Variants in NAT10 observed in about 807,000 individuals in gnomAD.
NAT10 encodes N-acetyltransferase 10, also known as RNA cytidine acetyltransferase.
In NAT10, 109 loss-of-function variants were observed where a neutral mutation model predicts 132.2. That is an observed-to-expected ratio of 0.82 (90% CI 0.71 to 0.97). The LOEUF is 0.97. Ranked by LOEUF, NAT10 falls within the 50% of genes least tolerant of loss-of-function variation. The probability of loss-of-function intolerance (pLI) is 0.00; values close to 1 mark genes in which losing one functional copy is unlikely to be tolerated. For synonymous variants in NAT10, 479 were observed against 478.0 expected (o/e 1.00, Z -0.03); for missense variants, 1,184 against 1,263.4 (o/e 0.94, Z 0.95).
chr11:34,106,817 A>T (rs1234688706), intron 1 of NAT10, among the ~76,000 whole-genome samples: 1 of 152,174 alleles, frequency 6.6e-6, no homozygotes, highest in African/African-American at 2.4e-5. Context: ...ATATGCTAAA[A>T]TCTGTTTGGA....
At chr11:34,141,590 A>C (rs1852332966) in intron 25 of NAT10, 129 bp from the exon 26 acceptor site, 1 of 788,782 alleles carries the variant, frequency 1.3e-6, no homozygotes. Context: ...CACATTCCTA[A>C]ACTGTAGAGT....
chr11:34,142,730 A>G (rs1302103013), intron 27 of NAT10, among the ~76,000 whole-genome samples: 3 of 152,232 alleles, frequency 2.0e-5, no homozygotes, highest in Non-Finnish European at 4.4e-5. Flanking sequence ...CAACCAAACA[A>G]GCAAAACACC....
chr11:34,132,211 C>G lies in NAT10; in HGVS notation c.1607C>G (p.Ser536Cys). The change falls in exon 15 of 29, where the codon TCT becomes TGT. Residue 536 changes from serine to cysteine, a missense_variant. Coordinates refer to ENST00000257829, the MANE Select transcript of NAT10 (RefSeq NM_024662.3). ...LQRLMALYVA[S>C]HYKNSPNDLQ... ...CGGCTTATGGCCCTCTACGTGGCTTCTCACTACAAGGTAACTGCAGCTAGC... is the reference window on the plus strand; with the variant it reads ...CGGCTTATGGCCCTCTACGTGGCTTGTCACTACAAGGTAACTGCAGCTAGC... 3.7e-6 allele frequency: 6 copies of G among 1,613,718 alleles called. No individual in the cohort carries two copies. The highest frequency in any genetic ancestry group is 5.1e-6 in the Non-Finnish European group (6 of 1,179,584).
chr11:34,134,489 A>C (rs1852171628), intron 17 of NAT10, 23 bp from the exon 18 acceptor site: 1 of 1,613,834 alleles, frequency 6.2e-7, no homozygotes, highest in Non-Finnish European at 8.5e-7. Flanking sequence ...TTGCTAAGTT[A>C]CTGGTTTGTG....
chr11:34,131,042 C>G, intron 13 of NAT10, 105 bp downstream of exon 13: 1 of 1,501,412 alleles, frequency 6.7e-7, no homozygotes, highest in Non-Finnish European at 9.0e-7. Flanking sequence ...AACCTTCCCA[C>G]CATCAGGCTG....
intron 11 of NAT10, among the ~76,000 whole-genome samples, chr11:34,125,940 C>T (rs1334486776): frequency 6.6e-6 from 1 of 152,150 alleles, no homozygotes; most frequent in African/African-American, 2.4e-5. Context: ...GAGATCACAC[C>T]ACTGCACTCC....
At position 34,132,131 on chromosome 11, in the gene NAT10, T is replaced by C; in HGVS notation, c.1527T>C (p.Tyr509=). Residue 509 remains tyrosine (Y), a synonymous_variant, in exon 15 of 29, where the codon TAT becomes TAC. Transcript: ENST00000257829. ...TTCTTAACTCCAGACCCAGGTACTA[T>C]GTTAATAGAGATACCCTCTTTTGCT... ...CPLPEACELY[Y]VNRDTLFCYH... The C allele has an allele frequency of 1.2e-6, 2 of 1,613,174 alleles. No individual in the cohort carries two copies. The highest frequency in any genetic ancestry group is 1.7e-6 in the Non-Finnish European group (2 of 1,179,118).
rs898676939 is a variant in NAT10, at chr11:34,127,467, T to C, written c.1112T>C (p.Ile371Thr). 1.2e-6 allele frequency: 2 copies of C among 1,613,366 alleles called. No individual in the cohort carries two copies. Among genetic ancestry groups the C allele is most frequent in the East Asian group, 4.5e-5 (2 of 44,846 alleles). The change falls in exon 12 of 29, where the codon ATA (isoleucine) becomes ACA (threonine). Residue 371 changes from isoleucine to threonine, a missense_variant. Physicochemically the swap from Ile to Thr is moderately conservative, Grantham distance 89. Transcript: ENST00000257829. ...CTAAATTTTCCTTCCCCATAGTATA[T>C]ACATCCTGCAGATGCTGTGAAGCTG... Reference protein sequence around the residue: ...FREHRQTIQYIHPADAVKLGQ... With the variant: ...FREHRQTIQYTHPADAVKLGQ...
intron 3 of NAT10, among the ~76,000 whole-genome samples, chr11:34,111,302 C>G (rs916557741): frequency 6.6e-6 from 1 of 152,206 alleles, no homozygotes; most frequent in Non-Finnish European, 1.5e-5. Context: ...GACAAACTCA[C>G]CCACTGCCTT....
chr11:34,130,026 G>A (rs1441569895), intron 12 of NAT10, among the ~76,000 whole-genome samples: 5 of 151,964 alleles, frequency 3.3e-5, no homozygotes, highest in Non-Finnish European at 5.9e-5. Flanking sequence ...GTTATGTGGT[G>A]TGGAGAGTGG....
intron 27 of NAT10, among the ~76,000 whole-genome samples, chr11:34,142,897 G>T: frequency 6.6e-6 from 1 of 152,196 alleles, no homozygotes; most frequent in East Asian, 1.9e-4. Flanking sequence ...TGGGTCATTA[G>T]TGATGGTGGC....
rs2467388 is a variant in NAT10, at chr11:34,145,953, T to C, written c.2970-131T>C. 5.6e-3 allele frequency: 3,516 copies of C among 627,068 alleles called. 69 individuals carry two copies. In the African/African-American group the frequency reaches 0.058, roughly 10 times the overall value. The allele number at this position is 627,068 out of a possible 1,614,324, so 38.8% of individuals were successfully genotyped here. On this transcript the variant is annotated intron_variant, in intron 28 of 28. Coordinates refer to ENST00000257829, the MANE Select transcript of NAT10 (RefSeq NM_024662.3). Reference sequence around the variant, plus strand: ...AATAGGTTTGCAGAGAACATTAATGTCCAATTGGGTGGCCTACATCAAGTT... The same window carrying C: ...AATAGGTTTGCAGAGAACATTAATGCCCAATTGGGTGGCCTACATCAAGTT...
Position 34,136,759 on chromosome 11 carries a change from A to T in NAT10, c.2146A>T (p.Thr716Ser), listed in dbSNP as rs764687282. The change falls in exon 20 of 29, where the codon ACC (threonine) becomes TCC (serine). Residue 716 changes from threonine to serine, a missense_variant. By Grantham distance (58) the Thr-to-Ser change is moderately conservative. Transcript: ENST00000257829. ...LDYLGVSYGL[T>S]PRLLKFWKRA... ...TTACCTGGGTGTTTCCTATGGCTTG[A>T]CCCCCAGGCTCCTCAAGTAAGTGCC... 2 of 1,613,674 alleles carry T rather than the reference A, an allele frequency of 1.2e-6. No individual in the cohort carries two copies. The highest frequency in any genetic ancestry group is 2.2e-5 in the South Asian group (2 of 91,032).
chr11:34,139,138 G>T, intron 21 of NAT10, 53 bp from the exon 22 acceptor site: 1 of 1,479,094 alleles, frequency 6.8e-7, no homozygotes, highest in Non-Finnish European at 9.4e-7. Flanking sequence ...TCAATGATGG[G>T]TTATTCAAAA....
intron 18 of NAT10, 22 bp downstream of exon 18, chr11:34,134,608 C>G: frequency 1.2e-6 from 2 of 1,613,234 alleles, no homozygotes; most frequent in Non-Finnish European, 1.7e-6. Context: ...TCAGGCTCCC[C>G]TGAAGCCGTG....
At chr11:34,116,576 C>T (rs1165242400) in intron 6 of NAT10, among the ~76,000 whole-genome samples, 1 of 151,506 alleles carries the variant, frequency 6.6e-6, no homozygotes, top group African/African-American at 2.4e-5. Context: ...CGCCACCACA[C>T]TCGGCTAATT....
Position 34,136,623 on chromosome 11 carries a change from C to G in NAT10, c.2029-19C>G. ...CCCTCTGCTGAATGGACTGTGTTCT[C>G]TCCTTGGCATCTTCCCAGGCTGTCA... On this transcript the variant is annotated intron_variant, in intron 19 of 28. Coordinates refer to ENST00000257829, the MANE Select transcript of NAT10 (RefSeq NM_024662.3). 6.2e-7 allele frequency: 1 copy of G among 1,614,130 alleles called. No individual in the cohort carries two copies. The highest frequency in any genetic ancestry group is 1.7e-5 in the Admixed American group (1 of 60,024).
intron 8 of NAT10, among the ~76,000 whole-genome samples, chr11:34,119,709 T>C (rs1246749787): frequency 6.6e-6 from 1 of 152,258 alleles, no homozygotes; most frequent in East Asian, 1.9e-4. Context: ...TCCTGCTGCC[T>C]CTTTTTTCAT....
chr11:34,118,425 G>C lies in NAT10; in HGVS notation c.702G>C (p.Glu234Asp). Residue 234 changes from glutamate (E) to aspartate (D), a missense_variant, in exon 8 of 29, where the codon GAG becomes GAC. By Grantham distance (45) the Glu-to-Asp change is conservative (BLOSUM62 2). Coordinates refer to ENST00000257829, the MANE Select transcript of NAT10 (RefSeq NM_024662.3). ...PDESLGPSDL[E>D]LRELKESLQD... ...AGAGTCTTGGTCCTTCTGATCTGGA[G>C]CTGAGGGAGTTGAAGGAGAGCTTGC... 1 of 1,614,172 alleles carries C rather than the reference G, an allele frequency of 6.2e-7. No homozygotes were observed. Among genetic ancestry groups the C allele is most frequent in the Non-Finnish European group, 8.5e-7 (1 of 1,180,028 alleles).
Sources: allele counts gnomAD v4.1 joint callset (sites outside exome capture counted in the v4.1 genomes callset), GRCh38; gene constraint gnomAD v4.1.1; transcripts MANE v1.5; gene names NCBI Gene and HGNC (gene_info 2026-07-23, HGNC 2026-07-21).